GDA: variants seen among roughly 807,000 people sequenced by gnomAD.
GDA encodes cytoplasmic PSD-95 interactor.
Under a neutral mutation model 59.6 loss-of-function variants are expected in GDA, and 18 were observed. That is an observed-to-expected ratio of 0.30 (90% CI 0.21 to 0.45). The LOEUF (loss-of-function observed/expected upper bound fraction) is 0.45, where lower values mean the gene tolerates loss of function less well. GDA is among the 20% of genes least tolerant of loss of function. GDA has a pLI of 1.00. For synonymous variants in GDA, 201 were observed against 201.1 expected (o/e 1.00, Z 0.00); for missense variants, 427 against 552.3 (o/e 0.77, Z 2.27).
downstream of GDA, among the ~76,000 whole-genome samples, chr9:72,252,776 A>G (rs950719756): frequency 5.9e-5 from 9 of 152,248 alleles, no homozygotes; most frequent in African/African-American, 1.9e-4. Context: ...AAGTTTGGCC[A>G]TTGCCTTGCT....
intron 10 of GDA, among the ~76,000 whole-genome samples, chr9:72,234,722 C>G (rs1838758656): frequency 6.6e-6 from 1 of 152,172 alleles, no homozygotes; most frequent in Admixed American, 6.5e-5. Context: ...TAAATCGTAA[C>G]TGAACATGTT....
intron 1 of GDA, among the ~76,000 whole-genome samples, chr9:72,188,941 G>A (rs1401527640): frequency 7.2e-6 from 1 of 138,832 alleles, no homozygotes; most frequent in Non-Finnish European, 1.6e-5. Context: ...AGGGCTTAAA[G>A]TGTTTTTTCC....
chr9:72,131,648 GACAC>G (rs146874035), intron 1 of GDA, among the ~76,000 whole-genome samples: 1 of 150,972 alleles, frequency 6.6e-6, no homozygotes, highest in Non-Finnish European at 1.5e-5. Flanking sequence ...CACGTGCACA[GACAC>G]ACACACACAC....
At chr9:72,193,992 CAACT>C (rs1450940476) in intron 1 of GDA, 9 of 152,294 alleles carry the variant, frequency 5.9e-5, no homozygotes, top group African/African-American at 2.2e-4. Context: ...GATTCTTAGT[CAACT>C]TGTGAATTCT....
At chr9:72,170,641 T>C (rs548450708) in intron 1 of GDA, among the ~76,000 whole-genome samples, 1 of 152,274 alleles carries the variant, frequency 6.6e-6, no homozygotes, top group South Asian at 2.1e-4. Context: ...CTGATAACCT[T>C]TGCATTTTAG....
In GDA at chr9:72,241,258, C is replaced by T; in HGVS notation, c.1095C>T (p.Leu365=). Reference sequence around the variant, plus strand: ...AGGTAAATGAGAAAAGCCTCACCCTCAAAGAAGTCTTCAGACTAGCTACTC... The same window carrying T: ...AGGTAAATGAGAAAAGCCTCACCCTTAAAGAAGTCTTCAGACTAGCTACTC... ...INKVNEKSLT[L]KEVFRLATLG... The change falls in exon 11 of 14, where the codon CTC becomes CTT. Residue 365 remains leucine (L), a synonymous_variant. Transcript: ENST00000358399. The T allele has an allele frequency of 2.5e-6, 4 of 1,607,312 alleles. No homozygotes were observed. The highest frequency in any genetic ancestry group is 3.4e-6 in the Non-Finnish European group (4 of 1,175,042).
chr9:72,221,033 T>A (rs1836787728), intron 6 of GDA, among the ~76,000 whole-genome samples: 1 of 152,148 alleles, frequency 6.6e-6, no homozygotes, highest in Non-Finnish European at 1.5e-5. Flanking sequence ...AATCTCAAAA[T>A]TTCTTTCCAT....
At chr9:72,149,789 G>T (rs1452053815) in intron 1 of GDA, 107 bp downstream of exon 1, 14 of 1,173,010 alleles carry the variant, frequency 1.2e-5, no homozygotes, top group Non-Finnish European at 1.6e-5. Flanking sequence ...CGCAGTGAGC[G>T]CCGCGGCTCC....
At chr9:72,244,738 C>CA (rs921782944) in intron 11 of GDA, among the ~76,000 whole-genome samples, 11 of 150,348 alleles carry the variant, frequency 7.3e-5, no homozygotes, top group East Asian at 1.9e-4. Context: ...ACAGAAAGAA[C>CA]AAAAAAAAGC....
At chr9:72,176,752 A>C (rs748841814) in intron 1 of GDA, among the ~76,000 whole-genome samples, 2 of 152,190 alleles carry the variant, frequency 1.3e-5, no homozygotes, top group Non-Finnish European at 2.9e-5. Context: ...GCACTTTTAC[A>C]TGATGGCTTT....
At chr9:72,124,338 T>A (rs1564146130) in intron 1 of GDA, among the ~76,000 whole-genome samples, 1 of 152,206 alleles carries the variant, frequency 6.6e-6, no homozygotes, top group Non-Finnish European at 1.5e-5. Context: ...TGCAAACGCC[T>A]CAGTATTTTA....
chr9:72,234,622 G>T (rs949852156), intron 10 of GDA, among the ~76,000 whole-genome samples: 18 of 152,142 alleles, frequency 1.2e-4, no homozygotes, highest in African/African-American at 4.3e-4. Context: ...CAGAACAAAT[G>T]GGACAGATGC....
At chr9:72,147,809 G>T (rs775707569), upstream of GDA, among the ~76,000 whole-genome samples, 2 of 152,150 alleles carry the variant, frequency 1.3e-5, no homozygotes, top group Non-Finnish European at 2.9e-5. Flanking sequence ...CTGGCTGTCG[G>T]TACTGCCAGG....
At chr9:72,124,707 C>T (rs1045952624) in intron 1 of GDA, among the ~76,000 whole-genome samples, 28 of 152,080 alleles carry the variant, frequency 1.8e-4, no homozygotes, top group African/African-American at 6.3e-4. Flanking sequence ...AAAATGAAGA[C>T]AGTGTTGCTT....
At chr9:72,138,395 C>T (rs570334814) in intron 1 of GDA, among the ~76,000 whole-genome samples, 1 of 152,340 alleles carries the variant, frequency 6.6e-6, no homozygotes, top group African/African-American at 2.4e-5. Flanking sequence ...CCTGCTCTCT[C>T]AGGGAGCAGA....
At chr9:72,151,898 G>A (rs535911151) in intron 1 of GDA, among the ~76,000 whole-genome samples, 14 of 152,132 alleles carry the variant, frequency 9.2e-5, no homozygotes, top group African/African-American at 2.4e-4. Flanking sequence ...CCACCGCGCC[G>A]GCCAATGATC....
intron 3 of GDA, among the ~76,000 whole-genome samples, chr9:72,205,770 T>C (rs556143926): frequency 2.0e-5 from 3 of 152,214 alleles, no homozygotes; most frequent in Non-Finnish European, 4.4e-5. Context: ...TTGCAGTTCC[T>C]TATAAACTCA....
At chr9:72,208,216 A>G (rs1305363821) in intron 3 of GDA, among the ~76,000 whole-genome samples, 2 of 152,188 alleles carry the variant, frequency 1.3e-5, no homozygotes, top group African/African-American at 2.4e-5. Flanking sequence ...AACTATTTCA[A>G]TCCTGCAGAC....
intron 1 of GDA, among the ~76,000 whole-genome samples, chr9:72,170,591 G>A (rs1449838334): frequency 1.3e-5 from 2 of 152,142 alleles, no homozygotes; most frequent in Non-Finnish European, 2.9e-5. Flanking sequence ...ATATGGGGAG[G>A]CTTACTATTT....
Sources: allele counts gnomAD v4.1 joint callset (sites outside exome capture counted in the v4.1 genomes callset), GRCh38; gene constraint gnomAD v4.1.1; transcripts MANE v1.5; gene names NCBI Gene and HGNC (gene_info 2026-07-23, HGNC 2026-07-21).